Variants in YWHAE observed in about 807,000 individuals in gnomAD.
The protein encoded by YWHAE is tyrosine 3-monooxygenase/tryptophan 5-monooxygenase activation protein epsilon, also known as 14-3-3 protein epsilon.
Under a neutral mutation model 30.1 loss-of-function variants are expected in YWHAE, and 4 were observed. The observed-to-expected ratio is 0.13, with a 90% CI of 0.07 to 0.30. YWHAE has a LOEUF of 0.30. Among genes scored for constraint, YWHAE ranks in the 10% least tolerant of loss-of-function variants. YWHAE has a pLI of 1.00. For synonymous variants in YWHAE, 118 were observed against 111.8 expected, an observed-to-expected ratio of 1.06 and a Z score of -0.35; for missense variants, 121 against 315.9, an observed-to-expected ratio of 0.38 and a Z score of 4.68.
intron 2 of YWHAE, among the ~76,000 whole-genome samples, chr17:1,364,328 A>G (rs969329924): frequency 4.0e-5 from 6 of 151,346 alleles, no homozygotes; most frequent in African/African-American, 7.3e-5. Context: ...CCGGATTCAC[A>G]CCATTCTCCT....
chr17:1,359,650 CAT>C (rs1342624073), intron 4 of YWHAE, among the ~76,000 whole-genome samples: 1 of 151,610 alleles, frequency 6.6e-6, no homozygotes, highest in Non-Finnish European at 1.5e-5. Context: ...GGGCCAAATT[CAT>C]AGTGACAACG....
At chr17:1,358,396 C>T (rs564655079) in intron 4 of YWHAE, among the ~76,000 whole-genome samples, 7 of 152,190 alleles carry the variant, frequency 4.6e-5, no homozygotes, top group Admixed American at 1.3e-4. Context: ...CCCGCCACCA[C>T]GCCCGGCTGA....
chr17:1,363,014 G>C (rs192256243), intron 2 of YWHAE, among the ~76,000 whole-genome samples: 1 of 152,180 alleles, frequency 6.6e-6, no homozygotes, highest in East Asian at 1.9e-4. Flanking sequence ...CAGATTCACT[G>C]AGTATCTACA....
intron 1 of YWHAE, among the ~76,000 whole-genome samples, chr17:1,387,636 T>C (rs1490828728): frequency 6.6e-6 from 1 of 151,904 alleles, no homozygotes; most frequent in African/African-American, 2.4e-5. Context: ...GTGGGGGCAG[T>C]AGGCGGGGAT....
intron 1 of YWHAE, among the ~76,000 whole-genome samples, chr17:1,397,244 A>G (rs1190328050): frequency 6.6e-6 from 1 of 152,156 alleles, no homozygotes; most frequent in African/African-American, 2.4e-5. Context: ...GGACAGTAAG[A>G]GCTGTTTGAG....
chr17:1,392,040 C>T (rs1381285109), intron 1 of YWHAE, among the ~76,000 whole-genome samples: 1 of 152,072 alleles, frequency 6.6e-6, no homozygotes, highest in Non-Finnish European at 1.5e-5. Context: ...AAAATCCTGT[C>T]TCTACAAAAA....
intron 1 of YWHAE, among the ~76,000 whole-genome samples, chr17:1,385,621 G>C (rs1003119632): frequency 6.6e-6 from 1 of 152,072 alleles, no homozygotes; most frequent in East Asian, 1.9e-4. Context: ...AAACAAAGTA[G>C]GTTTTTCAGA....
At chr17:1,386,748 G>A (rs1021514959) in intron 1 of YWHAE, among the ~76,000 whole-genome samples, 2 of 152,128 alleles carry the variant, frequency 1.3e-5, no homozygotes, top group Non-Finnish European at 2.9e-5. Context: ...CCAGAAGTTT[G>A]AGACCAGCCT....
Position 1,358,235 on chromosome 17 carries a change from C to CAA in YWHAE, c.578+2855_578+2856dup, listed in dbSNP as rs750672411. On this transcript the variant is annotated intron_variant, in intron 4 of 5. Transcript: ENST00000264335. ...CAGACCCTGCCTCTACAAAACAAAA[C>CAA]AACAAAAAAAAATTTTTTTTTTGAG... Among the ~76,000 whole-genome samples, 8 of 151,958 alleles carry CAA rather than the reference C, an allele frequency of 5.3e-5. No individual in the cohort carries two copies. The East Asian group carries it at 9.8e-4, about 19-fold the overall frequency.
At chr17:1,377,558 G>T (rs2073144126) in intron 1 of YWHAE, among the ~76,000 whole-genome samples, 1 of 152,132 alleles carries the variant, frequency 6.6e-6, no homozygotes, top group South Asian at 2.1e-4. Context: ...AGGCCACAGT[G>T]AGCTATGATC....
intron 2 of YWHAE, among the ~76,000 whole-genome samples, chr17:1,363,331 C>T (rs958179338): frequency 1.3e-5 from 2 of 152,084 alleles, no homozygotes; most frequent in African/African-American, 4.8e-5. Flanking sequence ...AGTGGCTCGA[C>T]GTTGGCTCAT....
chr17:1,390,777 C>T, intron 1 of YWHAE, among the ~76,000 whole-genome samples: 1 of 152,146 alleles, frequency 6.6e-6, no homozygotes, highest in East Asian at 1.9e-4. Flanking sequence ...TCGATAAAAT[C>T]CTGATCTGAT....
chr17:1,367,145 T>A (rs1308782587), intron 1 of YWHAE, among the ~76,000 whole-genome samples: 1 of 152,150 alleles, frequency 6.6e-6, no homozygotes, highest in Admixed American at 6.6e-5. Flanking sequence ...ATTCTATGCA[T>A]CATCCAGAAG....
chr17:1,388,501 G>A, intron 1 of YWHAE, among the ~76,000 whole-genome samples: 1 of 150,306 alleles, frequency 6.7e-6, no homozygotes, highest in Non-Finnish European at 1.5e-5. Context: ...TCCAGCCTGG[G>A]CAACAGAGCA....
chr17:1,368,998 AAG>A (rs1456757584), intron 1 of YWHAE, among the ~76,000 whole-genome samples: 1 of 152,212 alleles, frequency 6.6e-6, no homozygotes, highest in Non-Finnish European at 1.5e-5. Context: ...TTCAACAACG[AAG>A]ACTTAGTATT....
chr17:1,356,711 C>G (rs1191132593), intron 4 of YWHAE, among the ~76,000 whole-genome samples: 1 of 151,770 alleles, frequency 6.6e-6, no homozygotes, highest in African/African-American at 2.4e-5. Flanking sequence ...GTAATCCCAG[C>G]ACTCTGGGAG....
intron 1 of YWHAE, among the ~76,000 whole-genome samples, chr17:1,382,717 T>C (rs112439189): frequency 6.6e-6 from 1 of 152,066 alleles, no homozygotes. Context: ...TTTAAATTCA[T>C]CTTTTGCAGT....
intron 1 of YWHAE, among the ~76,000 whole-genome samples, chr17:1,381,144 GGAGGCTAACAATCACTT>G (rs2073199644): frequency 1.3e-5 from 2 of 152,158 alleles, no homozygotes; most frequent in Non-Finnish European, 2.9e-5. Context: ...CAGAACTTCG[GGAGGCTAACAATCACTT>G]GAGGTCAGGA....
intron 1 of YWHAE, among the ~76,000 whole-genome samples, chr17:1,387,329 A>G (rs1416655521): frequency 1.3e-5 from 2 of 152,220 alleles, no homozygotes; most frequent in Non-Finnish European, 2.9e-5. Context: ...GTGAAGCTCC[A>G]GTGAAACCTG....
Sources: gnomAD v4.1 joint callset for allele counts (sites outside exome capture counted in the v4.1 genomes callset) on GRCh38, gnomAD v4.1.1 for gene constraint, MANE v1.5 for transcripts, NCBI Gene and HGNC (gene_info 2026-07-23, HGNC 2026-07-21) for gene names.